Variants in KCND3 observed in about 807,000 individuals in gnomAD.
KCND3 encodes A-type voltage-gated potassium channel KCND3.
A neutral mutation model predicts 51.1 loss-of-function variants in KCND3; 9 were observed. The observed-to-expected ratio is 0.18, with a 90% CI of 0.11 to 0.31. KCND3 has a LOEUF of 0.31. Among genes scored for constraint, KCND3 ranks in the 10% least tolerant of loss-of-function variants. The probability of loss-of-function intolerance (pLI) is 1.00; values close to 1 mark genes in which losing one functional copy is unlikely to be tolerated. For missense variants in KCND3, 526 were observed against 903.8 expected, an observed-to-expected ratio of 0.58 and a Z score of 5.36; for synonymous variants, 349 against 368.0, an observed-to-expected ratio of 0.95 and a Z score of 0.59.
At chr1:111,789,685 G>C (rs1297720858) in intron 2 of KCND3, among the ~76,000 whole-genome samples, 1 of 152,228 alleles carries the variant, frequency 6.6e-6, no homozygotes, top group Non-Finnish European at 1.5e-5. Flanking sequence ...TTTGAGAGCA[G>C]ATTATTAAGT....
intron 2 of KCND3, among the ~76,000 whole-genome samples, chr1:111,836,513 C>T (rs1667071497): frequency 6.6e-6 from 1 of 152,134 alleles, no homozygotes; most frequent in South Asian, 2.1e-4. Flanking sequence ...GTTAGTTGCT[C>T]TCTTAGTTGC....
At chr1:111,924,152 C>T (rs898053141) in intron 2 of KCND3, among the ~76,000 whole-genome samples, 7 of 152,256 alleles carry the variant, frequency 4.6e-5, no homozygotes, top group African/African-American at 1.4e-4. Context: ...CCACATTCAT[C>T]AAGCACCTGC....
intron 2 of KCND3, among the ~76,000 whole-genome samples, chr1:111,815,920 C>A (rs1357481003): frequency 2.9e-4 from 44 of 151,976 alleles, no homozygotes; most frequent in Non-Finnish European, 2.8e-4. Context: ...GGAAAGCTGC[C>A]CAGCCCCTAC....
At chr1:111,915,605 C>T (rs967207752) in intron 2 of KCND3, among the ~76,000 whole-genome samples, 12 of 151,582 alleles carry the variant, frequency 7.9e-5, no homozygotes, top group Non-Finnish European at 1.3e-4. Context: ...TACAAAAAAT[C>T]AGCTGGGCGT....
intron 2 of KCND3, among the ~76,000 whole-genome samples, chr1:111,874,087 A>G (rs1668945839): frequency 6.6e-6 from 1 of 152,206 alleles, no homozygotes; most frequent in South Asian, 2.1e-4. Context: ...CCAGCCATTA[A>G]TTGCTGCGCA....
intron 2 of KCND3, among the ~76,000 whole-genome samples, chr1:111,943,489 C>T (rs11804001): frequency 0.52 from 79,431 of 152,066 alleles, 21,752 homozygotes; most frequent in Non-Finnish European, 0.61. Context: ...CCAGAGAGGG[C>T]GAGTGACTTG....
At chr1:111,871,231 A>G (rs144607301) in intron 2 of KCND3, among the ~76,000 whole-genome samples, 43 of 152,370 alleles carry the variant, frequency 2.8e-4, no homozygotes, top group African/African-American at 1.0e-3. Flanking sequence ...GTTTTCAAGC[A>G]GGATATGAAA....
At position 111,921,929 on chromosome 1, in the gene KCND3, T is replaced by C. The variant is rs1015129458; in HGVS notation, c.1106+59692A>G. Among the ~76,000 whole-genome samples, 16 of 152,196 alleles carry C rather than the reference T, an allele frequency of 1.1e-4. 1 individual carries two copies. The highest frequency in any genetic ancestry group is 9.8e-4 in the Admixed American group (15 of 15,292). ...GGAGATAATGTGGATGCCTAAATATTAGCTATCCCAGTGGTAGGGATAACA... is the reference window on the plus strand; with the variant it reads ...GGAGATAATGTGGATGCCTAAATATCAGCTATCCCAGTGGTAGGGATAACA... On this transcript the variant is annotated intron_variant, in intron 2 of 7. Coordinates refer to ENST00000302127, the MANE Select transcript of KCND3 (RefSeq NM_001378969.1).
chr1:111,813,762 G>A (rs1268688459), intron 2 of KCND3, among the ~76,000 whole-genome samples: 1 of 152,248 alleles, frequency 6.6e-6, no homozygotes, highest in Non-Finnish European at 1.5e-5. Context: ...GGCCTCACTG[G>A]TGGCTGCCCT....
At chr1:111,923,508 C>G (rs1169020984) in intron 2 of KCND3, among the ~76,000 whole-genome samples, 1 of 152,204 alleles carries the variant, frequency 6.6e-6, no homozygotes, top group Admixed American at 6.5e-5. Context: ...AGGACCCTGA[C>G]AGGTAGTTGT....
chr1:111,860,141 G>A (rs1008103966), intron 2 of KCND3, among the ~76,000 whole-genome samples: 2 of 152,176 alleles, frequency 1.3e-5, no homozygotes, highest in African/African-American at 2.4e-5. Flanking sequence ...CAAAATATTC[G>A]GTAGATAAAT....
chr1:111,981,581 C>T lies in KCND3; in HGVS notation c.1106+40G>A. On this transcript the variant is annotated intron_variant, in intron 2 of 7. Transcript: ENST00000302127. This position sits in a 1 kb window ranked among gnomAD's most constrained non-coding sequence, Gnocchi z 6.2. ...GTTTCAGAGGTCATCCAGCTGCCCT[C>T]CAACCTCCGTCCTGGTTTCATCCAC... The T allele has an allele frequency of 6.2e-7, 1 of 1,613,768 alleles. No individual in the cohort carries two copies. The highest frequency in any genetic ancestry group is 8.5e-7 in the Non-Finnish European group (1 of 1,179,882).
chr1:111,836,200 G>A (rs1235107363), intron 2 of KCND3, among the ~76,000 whole-genome samples: 1 of 152,196 alleles, frequency 6.6e-6, no homozygotes, highest in Admixed American at 6.5e-5. Context: ...CATGAATCCT[G>A]AAGAACCAAG....
chr1:111,949,279 C>T (rs1165908729), intron 2 of KCND3, among the ~76,000 whole-genome samples: 5 of 152,226 alleles, frequency 3.3e-5, no homozygotes, highest in Admixed American at 6.5e-5. Context: ...TAATACGGTA[C>T]GTCCTGCTGA....
intron 2 of KCND3, among the ~76,000 whole-genome samples, chr1:111,959,846 C>A (rs1456285282): frequency 6.6e-6 from 1 of 152,172 alleles, no homozygotes; most frequent in Admixed American, 6.5e-5. Flanking sequence ...CAAATCTCAT[C>A]TTGAATTGTA....
At chr1:111,858,773 T>C (rs2101684318) in intron 2 of KCND3, among the ~76,000 whole-genome samples, 1 of 152,236 alleles carries the variant, frequency 6.6e-6, no homozygotes, top group Non-Finnish European at 1.5e-5. Flanking sequence ...ATGATCTGAC[T>C]CCCCACTGCC....
rs117901091 is a variant in KCND3, at chr1:111,892,985, G to A, written c.1106+88636C>T. Among the ~76,000 whole-genome samples the A allele has an allele frequency of 6.8e-4, 104 of 152,288 alleles. 1 individual carries two copies. In the East Asian group the frequency reaches 0.011, roughly 16 times the overall value. On this transcript the variant is annotated intron_variant, in intron 2 of 7. Coordinates refer to ENST00000302127, the MANE Select transcript of KCND3 (RefSeq NM_001378969.1). Reference sequence around the variant, plus strand: ...TTTTGCTCACCTTGGACTTGCAAACGTGATTAGACAACTTGGCTTTTTGCT... The same window carrying A: ...TTTTGCTCACCTTGGACTTGCAAACATGATTAGACAACTTGGCTTTTTGCT...
intron 2 of KCND3, among the ~76,000 whole-genome samples, chr1:111,940,658 C>T (rs967656744): frequency 1.2e-4 from 18 of 152,154 alleles, no homozygotes; most frequent in African/African-American, 2.4e-4. Context: ...ATTGTCTCAA[C>T]GCAGTTTTGA....
chr1:111,961,822 A>G (rs1571908866), intron 2 of KCND3, among the ~76,000 whole-genome samples: 1 of 152,310 alleles, frequency 6.6e-6, no homozygotes, highest in East Asian at 1.9e-4. Flanking sequence ...CTATCGCCTC[A>G]GCTTTCTCAT....
Sources: allele counts gnomAD v4.1 joint callset (sites outside exome capture counted in the v4.1 genomes callset), GRCh38; gene constraint gnomAD v4.1.1; non-coding constraint Gnocchi (gnomAD v3.1); transcripts MANE v1.5; gene names NCBI Gene and HGNC (gene_info 2026-07-23, HGNC 2026-07-21).